The following HNRNPCL1 variants were observed in gnomAD, a reference collection of about 807,000 sequenced individuals.
HNRNPCL1 encodes the protein heterogeneous nuclear ribonucleoprotein C like 1, also known as heterogeneous nuclear ribonucleoprotein C-like 1.
HNRNPCL1 carries 15 observed loss-of-function variants against 19.0 expected under a neutral mutation model. The ratio of observed to expected loss-of-function variants is 0.79; its 90% CI spans 0.53 to 1.22. HNRNPCL1 has a LOEUF of 1.22. Among genes scored for constraint, HNRNPCL1 ranks in the 50% most tolerant of loss-of-function variants. The pLI is 0.00. For synonymous variants in HNRNPCL1, 110 were observed against 129.1 expected (o/e 0.85, Z 1.00); for missense variants, 327 against 354.7 (o/e 0.92, Z 0.63).
In HNRNPCL1 at chr1:12,848,216, G is replaced by A. The variant is rs748986961; in HGVS notation, c.74C>T (p.Thr25Ile). The A allele has an allele frequency of 6.4e-6, 10 of 1,566,908 alleles. No individual in the cohort carries two copies. The East Asian group carries it at 2.1e-4, about 32-fold the overall frequency. ...NSRVFIGNLN[T>I]LVVKKSDVEA... The stretch of plus-strand genomic sequence containing the variant: ...CACATCCGATTTCTTGACAACAAGA[G>A]TGTTGAGATTCCCAATGAACACACG... The change falls in exon 2 of 2, where the codon ACT becomes ATT. Residue 25 changes from threonine (T) to isoleucine (I), a missense_variant. Thr to Ile is a moderately conservative substitution (Grantham distance 89). Around this residue, in one of 2 missense-constraint regions of HNRNPCL1, gnomAD observed 46 missense variants for 100.0 expected, o/e 0.46. Coordinates refer to ENST00000317869, the MANE Select transcript of HNRNPCL1 (RefSeq NM_001013631.3).
Position 12,847,548 on chromosome 1 carries a change from C to T in HNRNPCL1, c.742G>A (p.Ala248Thr), listed in dbSNP as rs1255866620. The T allele has an allele frequency of 1.2e-6, 2 of 1,606,596 alleles. No individual in the cohort carries two copies. The highest frequency in any genetic ancestry group is 2.7e-5 in the African/African-American group (2 of 74,220). Residue 248 changes from alanine (A) to threonine (T), a missense_variant, in exon 2 of 2, where the codon GCT becomes ACT. This residue lies in a region of HNRNPCL1 where 281 missense variants were observed against 254.7 expected (regional missense o/e 1.10). Coordinates refer to ENST00000317869, the MANE Select transcript of HNRNPCL1 (RefSeq NM_001013631.3). ...TCATCCAGTGGGTCCCCCTCCTCAG[C>T]AGAGTCTTCTGCACCCCCCTCAGAC... is the stretch of plus-strand genomic sequence containing the variant. ...MESEGGAEDS[A>T]EEGDPLDDDV...
In HNRNPCL1 at chr1:12,848,620, C is replaced by T. The variant is rs527649840; in HGVS notation, c.-182+61G>A. The T allele has an allele frequency of 1.5e-4, 54 of 364,948 alleles. 1 individual carries two copies. The East Asian group carries it at 1.7e-3, about 12-fold the overall frequency. 22.6% of individuals were successfully genotyped at this position (364,948 alleles called of 1,614,324 possible). On this transcript the variant is annotated intron_variant, in intron 1 of 1. Transcript: ENST00000317869. ...GTGCCGTCGTAGGCTGCACTGTCAC[C>T]GTTCTAGACCGGCTGACTGTAGGTC...
Position 12,848,662 on chromosome 1 carries a change from C to A in HNRNPCL1, c.-182+19G>T, listed in dbSNP as rs550489166. The A allele has an allele frequency of 3.8e-4, 98 of 257,998 alleles. 1 individual carries two copies. The South Asian group carries it at 6.3e-3, about 17-fold the overall frequency. The allele number at this position is 257,998 out of a possible 1,614,324, so 16.0% of individuals were successfully genotyped here. ...CTGTAGGTCAGATGGGAGTGTCCTTCCAGAAATTAGTGACTTACCAGATCT... is the reference window on the plus strand; with the variant it reads ...CTGTAGGTCAGATGGGAGTGTCCTTACAGAAATTAGTGACTTACCAGATCT... On this transcript the variant is annotated intron_variant, in intron 1 of 1. Transcript: ENST00000317869.
chr1:12,848,043 T>G lies in HNRNPCL1; in HGVS notation c.247A>C (p.Asn83His). ...TTCACTTTTGGCTCCGCAGCCAGGT[T>G]AATATCTACAACCTGGCTAGCAATC... ...RMIASQVVDI[N>H]LAAEPKVNRG... The change falls in exon 2 of 2, where the codon AAC becomes CAC. Residue 83 changes from asparagine to histidine, a missense_variant. Asn to His is a moderately conservative substitution (Grantham distance 68). Around this residue, in one of 2 missense-constraint regions of HNRNPCL1, gnomAD observed 281 missense variants for 254.7 expected, o/e 1.10. Transcript: ENST00000317869. The G allele has an allele frequency of 2.5e-6, 4 of 1,607,014 alleles. No individual in the cohort carries two copies. The highest frequency in any genetic ancestry group is 3.4e-6 in the Non-Finnish European group (4 of 1,176,650).
Position 12,847,435 on chromosome 1 carries a change from G to T in HNRNPCL1, c.855C>A (p.Asp285Glu). ...KEAEEGEDDR[D>E]STNGQDDS Reference sequence around the variant, plus strand: ...AAGAGTCATCCTGGCCATTGGTGCTGTCTCTGTCATCCTCTCCTTCCTCAG... The same window carrying T: ...AAGAGTCATCCTGGCCATTGGTGCTTTCTCTGTCATCCTCTCCTTCCTCAG... The change falls in exon 2 of 2, where the codon GAC becomes GAA. Residue 285 changes from aspartate to glutamate, a missense_variant. This residue lies in a region of HNRNPCL1 where 281 missense variants were observed against 254.7 expected (regional missense o/e 1.10). Transcript: ENST00000317869. 1 of 1,606,808 alleles carries T rather than the reference G, an allele frequency of 6.2e-7. No homozygotes were observed. Among genetic ancestry groups the T allele is most frequent in the Non-Finnish European group, 8.5e-7 (1 of 1,176,674 alleles).
rs369200037 is a variant in HNRNPCL1, at chr1:12,847,985, G to A, written c.305C>T (p.Ala102Val). 2.4e-5 allele frequency: 38 copies of A among 1,607,514 alleles called. No homozygotes were observed. Among genetic ancestry groups the A allele is most frequent in the East Asian group, 1.3e-4 (6 of 44,804 alleles). The change falls in exon 2 of 2, where the codon GCG becomes GTG. Residue 102 changes from alanine to valine, a missense_variant. Physicochemically the swap from Ala to Val is moderately conservative, Grantham distance 64. Coordinates refer to ENST00000317869, the MANE Select transcript of HNRNPCL1 (RefSeq NM_001013631.3). ...RGNAGVKRSA[A>V]EMYGSSFDLD... The stretch of plus-strand genomic sequence containing the variant: ...GTCAAAAGAGGAGCCGTACATCTCC[G>A]CTGCTGATCGTTTCACACCTGCGTT...
rs1157607335 is a variant in HNRNPCL1 at position 12,847,754 on chromosome 1, T to A, written c.536A>T (p.Asp179Val). The A allele has an allele frequency of 2.5e-6, 4 of 1,606,718 alleles. No individual in the cohort carries two copies. The highest frequency in any genetic ancestry group is 3.4e-6 in the Non-Finnish European group (4 of 1,176,630). ...SSKSGKLKGDDLQAIKQELTQ... is the reference protein window; with the variant it reads ...SSKSGKLKGDVLQAIKQELTQ... ...CAACTCCTGCTTAATGGCCTGAAGG[T>A]CATCACCTTTCAACTTTCCAGACTT... The change falls in exon 2 of 2, where the codon GAC becomes GTC. Residue 179 changes from aspartate (D) to valine (V), a missense_variant. Coordinates refer to ENST00000317869, the MANE Select transcript of HNRNPCL1 (RefSeq NM_001013631.3).
chr1:12,848,497 C>G, intron 1 of HNRNPCL1, 27 bp from the exon 2 acceptor site: 1 of 996,956 alleles, frequency 1.0e-6, no homozygotes, highest in Non-Finnish European at 1.4e-6. Flanking sequence ...AAAAGCACAA[C>G]AACATTTTTG....
chr1:12,847,996 T>C lies in HNRNPCL1; in HGVS notation c.294A>G (p.Lys98=). The C allele has an allele frequency of 6.2e-7, 1 of 1,607,636 alleles. No homozygotes were observed. Among genetic ancestry groups the C allele is most frequent in the Non-Finnish European group, 8.5e-7 (1 of 1,177,050 alleles). ...AGCCGTACATCTCCGCTGCTGATCGTTTCACACCTGCGTTTCCTCGGTTCA... is the reference window on the plus strand; with the variant it reads ...AGCCGTACATCTCCGCTGCTGATCGCTTCACACCTGCGTTTCCTCGGTTCA... ...PKVNRGNAGV[K]RSAAEMYGSS... The change falls in exon 2 of 2, where the codon AAA becomes AAG. Residue 98 remains lysine (K), a synonymous_variant. Transcript: ENST00000317869.
chr1:12,847,903 A>G lies in HNRNPCL1; in HGVS notation c.387T>C (p.Arg129=). ...YYDGMYSFPA[R]VPPPPPIALA... Reference sequence around the variant, plus strand: ...GAGCAATGGGAGGAGGAGGAGGTACACGTGCTGGGAAACTGTACATTCCAT... The same window carrying G: ...GAGCAATGGGAGGAGGAGGAGGTACGCGTGCTGGGAAACTGTACATTCCAT... The change falls in exon 2 of 2, where the codon CGT becomes CGC. Residue 129 remains arginine, a synonymous_variant. Transcript: ENST00000317869. The G allele has an allele frequency of 6.2e-7, 1 of 1,606,624 alleles. No homozygotes were observed. The highest frequency in any genetic ancestry group is 8.5e-7 in the Non-Finnish European group (1 of 1,176,588).
At position 12,847,974 on chromosome 1, in the gene HNRNPCL1, C is replaced by G. The variant is rs1406814508; in HGVS notation, c.316G>C (p.Gly106Arg). Residue 106 changes from glycine (G) to arginine (R), a missense_variant, in exon 2 of 2, where the codon GGC (glycine) becomes CGC (arginine). Physicochemically the swap from Gly to Arg is moderately radical, Grantham distance 125. This residue lies in a region of HNRNPCL1 where 281 missense variants were observed against 254.7 expected (regional missense o/e 1.10). Transcript: ENST00000317869. ...GVKRSAAEMYGSSFDLDYGFQ... is the reference protein window; with the variant it reads ...GVKRSAAEMYRSSFDLDYGFQ... ...CCATAGTCCAAGTCAAAAGAGGAGC[C>G]GTACATCTCCGCTGCTGATCGTTTC... is the stretch of plus-strand genomic sequence containing the variant. 8 of 1,607,602 alleles carry G rather than the reference C, an allele frequency of 5.0e-6. No homozygotes were observed. The highest frequency in any genetic ancestry group is 1.7e-4 in the Middle Eastern group (1 of 6,052).
In HNRNPCL1 at chr1:12,848,387, G is replaced by A; in HGVS notation, c.-98C>T. 1 of 1,449,072 alleles carries A rather than the reference G, an allele frequency of 6.9e-7. No individual in the cohort carries two copies. Among genetic ancestry groups the A allele is most frequent in the Non-Finnish European group, 9.2e-7 (1 of 1,090,442 alleles). The allele number at this position is 1,449,072 out of a possible 1,614,324, so 89.8% of individuals were successfully genotyped here. On this transcript the variant is annotated 5_prime_UTR_variant, in exon 2 of 2. Coordinates refer to ENST00000317869, the MANE Select transcript of HNRNPCL1 (RefSeq NM_001013631.3). The stretch of plus-strand genomic sequence containing the variant: ...CTCCTACTGCCGGGTTCTACGGGGA[G>A]AAACTGACTGCGGCTCGAGGCCAGA...
Position 12,847,565 on chromosome 1 carries a change from C to T in HNRNPCL1, c.725G>A (p.Gly242Glu), listed in dbSNP as rs776088953. The T allele has an allele frequency of 3.1e-6, 5 of 1,606,598 alleles. No individual in the cohort carries two copies. Among genetic ancestry groups the T allele is most frequent in the Non-Finnish European group, 4.2e-6 (5 of 1,176,660 alleles). The change falls in exon 2 of 2, where the codon GGG (glycine) becomes GAG (glutamate). Residue 242 changes from glycine to glutamate, a missense_variant. By Grantham distance (98) the Gly-to-Glu change is moderately conservative (BLOSUM62 -2). Transcript: ENST00000317869. ...CTCCTCAGCAGAGTCTTCTGCACCC[C>T]CCTCAGACTCCATCTTCACATGAGT... Reference protein sequence around the residue: ...DETHVKMESEGGAEDSAEEGD... With the variant: ...DETHVKMESEEGAEDSAEEGD...
rs1344983141 is a variant in HNRNPCL1 at position 12,847,896 on chromosome 1, G to C, written c.394C>G (p.Pro132Ala). ...GMYSFPARVP[P>A]PPPIALAVVP... ...ACAGCCAGAGCAATGGGAGGAGGAG[G>C]AGGTACACGTGCTGGGAAACTGTAC... is the stretch of plus-strand genomic sequence containing the variant. The change falls in exon 2 of 2, where the codon CCT becomes GCT. Residue 132 changes from proline (P) to alanine (A), a missense_variant. Coordinates refer to ENST00000317869, the MANE Select transcript of HNRNPCL1 (RefSeq NM_001013631.3). 1.2e-6 allele frequency: 2 copies of C among 1,606,600 alleles called. No homozygotes were observed. Among genetic ancestry groups the C allele is most frequent in the Non-Finnish European group, 1.7e-6 (2 of 1,176,558 alleles).
At position 12,848,458 on chromosome 1, in the gene HNRNPCL1, C is replaced by G. The variant is rs6657053; in HGVS notation, c.-169G>C. 0.027 allele frequency: 26,584 copies of G among 998,168 alleles called. 1,166 individuals carry two copies. Among genetic ancestry groups the G allele is most frequent in the Non-Finnish European group, 0.028 (19,793 of 708,876 alleles). 61.8% of individuals were successfully genotyped at this position (998,168 alleles called of 1,614,324 possible). On this transcript the variant is annotated 5_prime_UTR_variant, in exon 2 of 2. Coordinates refer to ENST00000317869, the MANE Select transcript of HNRNPCL1 (RefSeq NM_001013631.3). The stretch of plus-strand genomic sequence containing the variant: ...GTCTTCGTCTCTTCACAAAATGGCT[C>G]CCAACAAGAATTCTGAAATGATGTA...
intron 1 of HNRNPCL1, 68 bp from the exon 2 acceptor site, chr1:12,848,538 A>G: frequency 3.7e-6 from 3 of 813,338 alleles, no homozygotes; most frequent in Middle Eastern, 3.7e-4. Flanking sequence ...TTAGAAAAAA[A>G]ATCAAAGCTT....
Position 12,847,884 on chromosome 1 carries a change from T to G in HNRNPCL1, c.406A>C (p.Ile136Leu). 6.2e-7 allele frequency: 1 copy of G among 1,606,494 alleles called. No individual in the cohort carries two copies. Among genetic ancestry groups the G allele is most frequent in the African/African-American group, 1.3e-5 (1 of 74,334 alleles). The stretch of plus-strand genomic sequence containing the variant: ...TTCGAGGGCACTACAGCCAGAGCAA[T>G]GGGAGGAGGAGGAGGTACACGTGCT... ...FPARVPPPPP[I>L]ALAVVPSKRQ... is the part of the protein sequence containing the mutation. Residue 136 changes from isoleucine to leucine, a missense_variant, in exon 2 of 2, where the codon ATT (isoleucine) becomes CTT (leucine). By Grantham distance (5) the Ile-to-Leu change is conservative (BLOSUM62 2). Coordinates refer to ENST00000317869, the MANE Select transcript of HNRNPCL1 (RefSeq NM_001013631.3).
chr1:12,848,150 G>T lies in HNRNPCL1; in HGVS notation c.140C>A (p.Ser47Tyr), dbSNP rs745401037. ...FSKYGKIAGC[S>Y]VHKGFAFVQY... Reference sequence around the variant, plus strand: ...AACGAAGGCAAAGCCCTTATGAACAGAGCAGCCCGCAATTTTGCCATACTT... The same window carrying T: ...AACGAAGGCAAAGCCCTTATGAACATAGCAGCCCGCAATTTTGCCATACTT... Residue 47 changes from serine (S) to tyrosine (Y), a missense_variant, in exon 2 of 2, where the codon TCT becomes TAT. Ser to Tyr is a moderately radical substitution (Grantham distance 144). Transcript: ENST00000317869. The T allele has an allele frequency of 6.3e-7, 1 of 1,595,202 alleles. No homozygotes were observed. The highest frequency in any genetic ancestry group is 8.5e-7 in the Non-Finnish European group (1 of 1,170,144).
chr1:12,847,648 C>T lies in HNRNPCL1; in HGVS notation c.642G>A (p.Glu214=). 1 of 1,606,572 alleles carries T rather than the reference C, an allele frequency of 6.2e-7. No individual in the cohort carries two copies. The highest frequency in any genetic ancestry group is 8.5e-7 in the Non-Finnish European group (1 of 1,176,498). Residue 214 remains glutamate, a synonymous_variant, in exon 2 of 2, where the codon GAG becomes GAA. Transcript: ENST00000317869. Reference sequence around the variant, plus strand: ...CCTCTTCTGACTTAGCATTTTTCACCTCTACCTCTTGTTTGCTCTGTTCCT... The same window carrying T: ...CCTCTTCTGACTTAGCATTTTTCACTTCTACCTCTTGTTTGCTCTGTTCCT... ...IEKEQSKQEV[E]VKNAKSEEEQ... is the part of the protein sequence containing the mutation.
Sources: gnomAD v4.1 joint callset for allele counts on GRCh38, gnomAD v4.1.1 for gene constraint, gnomAD v4.1.1 regional missense constraint, MANE v1.5 for transcripts, NCBI Gene and HGNC (gene_info 2026-07-23, HGNC 2026-07-21) for gene names.